The following FGF12 variants were observed in gnomAD, a reference collection of about 807,000 sequenced individuals.
FGF12 encodes the protein fibroblast growth factor 12B.
FGF12 carries 14 observed loss-of-function variants against 23.6 expected under a neutral mutation model. That is an observed-to-expected ratio of 0.59 (90% CI 0.39 to 0.93). The LOEUF is 0.93. FGF12 is among the 40% of genes least tolerant of loss of function. The pLI, the probability that FGF12 is intolerant of heterozygous loss-of-function variation, is 0.00. For synonymous variants in FGF12, 62 were observed against 77.3 expected (o/e 0.80, Z 1.04); for missense variants, 175 against 217.8 (o/e 0.80, Z 1.24).
At chr3:192,175,107 A>ACAAT (rs1028096324) in intron 4 of FGF12, among the ~76,000 whole-genome samples, 1 of 152,212 alleles carries the variant, frequency 6.6e-6, no homozygotes, top group African/African-American at 2.4e-5. Flanking sequence ...AAAGACTTAG[A>ACAAT]CAATCACATA....
intron 2 of FGF12, among the ~76,000 whole-genome samples, chr3:192,371,390 T>A (rs1314794662): frequency 6.6e-6 from 1 of 152,242 alleles, no homozygotes; most frequent in Non-Finnish European, 1.5e-5. Context: ...ACGAGCTGCA[T>A]GGTATCCAGA....
intron 2 of FGF12, among the ~76,000 whole-genome samples, chr3:192,592,896 A>G (rs1437121589): frequency 6.6e-6 from 1 of 151,822 alleles, no homozygotes; most frequent in Non-Finnish European, 1.5e-5. Context: ...CTGACTGACT[A>G]TGATAAATAC....
intron 2 of FGF12, among the ~76,000 whole-genome samples, chr3:192,626,901 C>A (rs1458893164): frequency 1.3e-5 from 2 of 152,192 alleles, no homozygotes; most frequent in African/African-American, 4.8e-5. Context: ...AGCACTATGC[C>A]TGGCCTATAC....
chr3:192,707,603 G>A (rs1245392440), intron 2 of FGF12, among the ~76,000 whole-genome samples: 2 of 152,046 alleles, frequency 1.3e-5, no homozygotes, highest in Middle Eastern at 3.4e-3. Flanking sequence ...AAAATTAGCT[G>A]GGTGTGGTGG....
At chr3:192,621,563 C>T (rs139243013) in intron 2 of FGF12, among the ~76,000 whole-genome samples, 82 of 151,976 alleles carry the variant, frequency 5.4e-4, no homozygotes, top group African/African-American at 1.6e-3. Context: ...ATAATATAGA[C>T]GACTCGTGGA....
intron 2 of FGF12, among the ~76,000 whole-genome samples, chr3:192,464,351 T>C (rs1344527440): frequency 1.4e-5 from 2 of 147,624 alleles, no homozygotes; most frequent in Non-Finnish European, 3.0e-5. Flanking sequence ...TACATCCGCA[T>C]AGCTTAGTTC....
At chr3:192,529,591 C>A (rs1352648972) in intron 2 of FGF12, among the ~76,000 whole-genome samples, 1 of 152,126 alleles carries the variant, frequency 6.6e-6, no homozygotes, top group Non-Finnish European at 1.5e-5. Flanking sequence ...CTGTATTAGT[C>A]CATTTTTATG....
At position 192,509,118 on chromosome 3, in the gene FGF12, T is replaced by G. The variant is rs1410060640; in HGVS notation, c.14-148580A>C. Among the ~76,000 whole-genome samples the G allele has an allele frequency of 2.6e-5, 4 of 152,152 alleles. No homozygotes were observed. The East Asian group carries it at 7.7e-4, about 29-fold the overall frequency. On this transcript the variant is annotated intron_variant, in intron 2 of 5. Transcript: ENST00000445105. ...ATCTCTGAAGCAAGAGACATATTTC[T>G]CTAACTTTCTAATCTCAGATGGAGA...
chr3:192,188,506 A>C (rs778147089), intron 4 of FGF12, among the ~76,000 whole-genome samples: 1 of 152,182 alleles, frequency 6.6e-6, no homozygotes, highest in Non-Finnish European at 1.5e-5. Flanking sequence ...TCTTATATCT[A>C]TTTCATTTTT....
At chr3:192,381,184 C>T (rs1278012634) in intron 2 of FGF12, among the ~76,000 whole-genome samples, 9 of 152,078 alleles carry the variant, frequency 5.9e-5, no homozygotes, top group African/African-American at 1.9e-4. Flanking sequence ...GGTGGTTGGA[C>T]ATCTTGACAG....
At chr3:192,373,200 T>A (rs895799672) in intron 2 of FGF12, among the ~76,000 whole-genome samples, 1 of 152,114 alleles carries the variant, frequency 6.6e-6, no homozygotes, top group African/African-American at 2.4e-5. Flanking sequence ...GACTGTAGCA[T>A]CCCTGAGGGT....
chr3:192,438,904 G>A (rs1335492712), intron 2 of FGF12, among the ~76,000 whole-genome samples: 1 of 152,186 alleles, frequency 6.6e-6, no homozygotes, highest in African/African-American at 2.4e-5. Flanking sequence ...CCTCTACAGG[G>A]CTGAATGTAA....
chr3:192,670,313 C>G (rs1717063566), intron 2 of FGF12, among the ~76,000 whole-genome samples: 1 of 151,776 alleles, frequency 6.6e-6, no homozygotes, highest in Non-Finnish European at 1.5e-5. Flanking sequence ...ATTTTAGTTA[C>G]TTATTTTTAG....
At chr3:192,158,399 TTCTTTTTC>T (rs1714620286) in intron 5 of FGF12, among the ~76,000 whole-genome samples, 1 of 39,258 alleles carries the variant, frequency 2.5e-5, no homozygotes, top group African/African-American at 2.4e-4. Flanking sequence ...TTCTCTCTCT[TTCTTTTTC>T]TTTCTTTCTC....
intron 2 of FGF12, among the ~76,000 whole-genome samples, chr3:192,704,466 T>C (rs1358520552): frequency 3.3e-5 from 5 of 152,244 alleles, no homozygotes; most frequent in Non-Finnish European, 5.9e-5. Flanking sequence ...TAAGTCTCAA[T>C]AGTGGGCTTA....
intron 2 of FGF12, among the ~76,000 whole-genome samples, chr3:192,647,326 A>G (rs1319624677): frequency 2.6e-5 from 4 of 152,082 alleles, no homozygotes; most frequent in South Asian, 4.1e-4. Flanking sequence ...ATATTCATCA[A>G]TGAACTAGAA....
intron 4 of FGF12, among the ~76,000 whole-genome samples, chr3:192,252,036 T>C (rs1011509833): frequency 6.6e-6 from 1 of 152,150 alleles, no homozygotes; most frequent in Non-Finnish European, 1.5e-5. Context: ...ACAAACAAGA[T>C]GACAGGTAAT....
In FGF12 at chr3:192,261,036, G is replaced by A. The variant is rs555934447; in HGVS notation, c.228+74325C>T. Among the ~76,000 whole-genome samples the A allele has an allele frequency of 3.9e-5, 6 of 152,172 alleles. No individual in the cohort carries two copies. The South Asian group carries it at 6.2e-4, about 16-fold the overall frequency. On this transcript the variant is annotated intron_variant, in intron 4 of 5. Coordinates refer to ENST00000445105, the MANE Select transcript of FGF12 (RefSeq NM_004113.6). ...GGATAAGCTAAACTGGGGTACAGGG[G>A]TAAAGGAACCTCACCACAAAGAGAC...
intron 4 of FGF12, among the ~76,000 whole-genome samples, chr3:192,241,869 G>C (rs1427382849): frequency 2.0e-5 from 3 of 152,056 alleles, no homozygotes; most frequent in Admixed American, 2.0e-4. Flanking sequence ...TAAAGAAAAA[G>C]GCTTTCAAGT....
Sources: gnomAD v4.1 joint callset for allele counts (sites outside exome capture counted in the v4.1 genomes callset) on GRCh38, gnomAD v4.1.1 for gene constraint, MANE v1.5 for transcripts, NCBI Gene and HGNC (gene_info 2026-07-23, HGNC 2026-07-21) for gene names.